The following TNIP3 variants were observed in gnomAD, a reference collection of about 807,000 sequenced individuals.
The protein encoded by TNIP3 is TNFAIP3 interacting protein 3.
In TNIP3, 34 loss-of-function variants were observed where a neutral mutation model predicts 54.1. The ratio of observed to expected loss-of-function variants is 0.63; its 90% CI spans 0.48 to 0.84. The LOEUF (loss-of-function observed/expected upper bound fraction) is 0.84. TNIP3 is among the 40% of genes least tolerant of loss of function. TNIP3 has a pLI of 0.00. For synonymous variants in TNIP3, 134 were observed against 136.8 expected, an observed-to-expected ratio of 0.98 and a Z score of 0.14; for missense variants, 366 against 387.6, an observed-to-expected ratio of 0.94 and a Z score of 0.47.
upstream of TNIP3, among the ~76,000 whole-genome samples, chr4:121,221,167 G>T (rs1407373638): frequency 1.3e-5 from 2 of 152,108 alleles, no homozygotes; most frequent in Non-Finnish European, 2.9e-5. Context: ...TTATTGGTAA[G>T]AAAGAAATGT....
intron 2 of TNIP3, among the ~76,000 whole-genome samples, chr4:121,190,547 A>G (rs953611635): frequency 2.0e-5 from 3 of 152,108 alleles, no homozygotes; most frequent in East Asian, 1.9e-4. Context: ...AGTAAATCCT[A>G]TTCTGGGAAA....
intron 2 of TNIP3, among the ~76,000 whole-genome samples, chr4:121,206,501 T>C (rs1726196000): frequency 6.6e-6 from 1 of 151,872 alleles, no homozygotes; most frequent in Non-Finnish European, 1.5e-5. Context: ...AAAATATAAA[T>C]GTATTTAAAG....
In TNIP3 at chr4:121,177,342, T is replaced by A. The variant is rs1007215481; in HGVS notation, c.189+5334A>T. Among the ~76,000 whole-genome samples, 3 of 152,236 alleles carry A rather than the reference T, an allele frequency of 2.0e-5. 1 individual carries two copies. Among genetic ancestry groups the A allele is most frequent in the Admixed American group, 2.0e-4 (3 of 15,290 alleles). On this transcript the variant is annotated intron_variant, in intron 3 of 12. Coordinates refer to the TNIP3 transcript ENST00000507879. Reference sequence around the variant, plus strand: ...CCTTTGGTCACTAACTTTCTACTTCTTCAACTCTCCCAGAATATAAAAGCA... The same window carrying A: ...CCTTTGGTCACTAACTTTCTACTTCATCAACTCTCCCAGAATATAAAAGCA...
chr4:121,194,127 G>A (rs113562509), intron 2 of TNIP3, among the ~76,000 whole-genome samples: 6,613 of 152,092 alleles, frequency 0.043, 476 homozygotes, highest in African/African-American at 0.15. Context: ...TTCATTTTCC[G>A]ATTTTGATGG....
chr4:121,170,427 A>G (rs528997291), intron 3 of TNIP3, among the ~76,000 whole-genome samples: 71 of 152,316 alleles, frequency 4.7e-4, no homozygotes, highest in African/African-American at 1.7e-3. Context: ...TTTGCCTCCA[A>G]ACCAGAAATG....
intron 1 of TNIP3, among the ~76,000 whole-genome samples, chr4:121,161,859 G>A (rs906097979): frequency 6.6e-6 from 1 of 152,008 alleles, no homozygotes; most frequent in African/African-American, 2.4e-5. Context: ...TTTTTCAGGA[G>A]TGAGAGTATT....
At chr4:121,210,742 A>G (rs557933115) in intron 2 of TNIP3, among the ~76,000 whole-genome samples, 1 of 152,202 alleles carries the variant, frequency 6.6e-6, no homozygotes, top group Admixed American at 6.5e-5. Flanking sequence ...CTCTTTTTAT[A>G]AGGGCACTAA....
intron 2 of TNIP3, chr4:121,216,405 CTG>C: frequency 6.5e-7 from 1 of 1,532,444 alleles, no homozygotes; most frequent in Non-Finnish European, 8.7e-7. Flanking sequence ...TCCAAATAAA[CTG>C]TTATTACCTT....
At chr4:121,225,730 A>T (rs541648187) in intron 1 of TNIP3, among the ~76,000 whole-genome samples, 1 of 152,274 alleles carries the variant, frequency 6.6e-6, no homozygotes, top group South Asian at 2.1e-4. Context: ...TTGGCCAAAA[A>T]CTTAGTAAGC....
chr4:121,227,413 A>ATCTAGG lies in TNIP3; in HGVS notation c.-32_-27dup, dbSNP rs1432913684. ...GTTCTATCCTGAAAGTCCTTCTCAGATCTAGGTAAGCGTATTACAAGGTCT... is the reference window on the plus strand; with the variant it reads ...GTTCTATCCTGAAAGTCCTTCTCAGATCTAGGTCTAGGTAAGCGTATTACAAGGTCT... On this transcript the variant is annotated 5_prime_UTR_variant, in exon 1 of 13. Coordinates refer to the TNIP3 transcript ENST00000509841. 30 of 1,534,592 alleles carry ATCTAGG rather than the reference A, an allele frequency of 2.0e-5. No individual in the cohort carries two copies. In the East Asian group the frequency reaches 6.6e-4, roughly 34 times the overall value.
At position 121,185,975 on chromosome 4, in the gene TNIP3, T is replaced by C. The variant is rs189653015; in HGVS notation, c.69-3179A>G. 5.8e-4 allele frequency among the ~76,000 whole-genome samples: 88 copies of C among 152,336 alleles called. 1 individual carries two copies. The highest frequency in any genetic ancestry group is 2.1e-3 in the African/African-American group (86 of 41,574). ...AGAAGCCAGCAGTTACTGTTCCCTCTTCATTTGGACAGAGTGGTGAAGGAT... is the reference window on the plus strand; with the variant it reads ...AGAAGCCAGCAGTTACTGTTCCCTCCTCATTTGGACAGAGTGGTGAAGGAT... On this transcript the variant is annotated intron_variant, in intron 2 of 12. Coordinates refer to the TNIP3 transcript ENST00000507879.
At chr4:121,137,497 T>A (rs2148793863) in intron 10 of TNIP3, 1 of 152,584 alleles carries the variant, frequency 6.6e-6, no homozygotes, top group South Asian at 2.1e-4. Flanking sequence ...ACATTTCATA[T>A]TTCTTTTCTA....
At chr4:121,211,284 C>A (rs1726464160) in intron 2 of TNIP3, among the ~76,000 whole-genome samples, 2 of 152,072 alleles carry the variant, frequency 1.3e-5, no homozygotes, top group Admixed American at 6.6e-5. Flanking sequence ...TAAATACTAG[C>A]AAATGATATA....
intron 2 of TNIP3, among the ~76,000 whole-genome samples, chr4:121,160,682 G>A (rs1730396507): frequency 6.6e-6 from 1 of 152,116 alleles, no homozygotes; most frequent in Non-Finnish European, 1.5e-5. Flanking sequence ...TAACTCCCAT[G>A]TGTTTGGATG....
At chr4:121,172,960 C>A in intron 3 of TNIP3, among the ~76,000 whole-genome samples, 1 of 152,176 alleles carries the variant, frequency 6.6e-6, no homozygotes, top group East Asian at 1.9e-4. Context: ...TTGCTTCAAT[C>A]TGAACTTCAT....
At chr4:121,221,704 G>A (rs918399356) in intron 1 of TNIP3, among the ~76,000 whole-genome samples, 8 of 152,066 alleles carry the variant, frequency 5.3e-5, no homozygotes, top group Non-Finnish European at 1.0e-4. Context: ...GAGATTTTTG[G>A]CTGCACATCG....
intron 1 of TNIP3, among the ~76,000 whole-genome samples, chr4:121,222,643 A>C (rs1579516340): frequency 6.6e-6 from 1 of 152,302 alleles, no homozygotes; most frequent in East Asian, 1.9e-4. Flanking sequence ...AATAAATGTG[A>C]GAGAATTTAA....
intron 3 of TNIP3, among the ~76,000 whole-genome samples, chr4:121,169,585 T>C (rs111661105): frequency 6.6e-6 from 1 of 152,216 alleles, no homozygotes; most frequent in East Asian, 1.9e-4. Flanking sequence ...TTAGTGCCTG[T>C]GCGTGTTCAT....
upstream of TNIP3, among the ~76,000 whole-genome samples, chr4:121,219,691 T>G (rs995486524): frequency 3.9e-5 from 6 of 152,176 alleles, no homozygotes; most frequent in African/African-American, 1.4e-4. Flanking sequence ...ACCTTGAAAA[T>G]GTTATATAAA....
Sources: gnomAD v4.1 joint callset for allele counts (sites outside exome capture counted in the v4.1 genomes callset) on GRCh38, gnomAD v4.1.1 for gene constraint, MANE v1.5 for transcripts, NCBI Gene and HGNC (gene_info 2026-07-23, HGNC 2026-07-21) for gene names.